Variants in CRNKL1 observed in about 807,000 individuals in gnomAD.
The protein encoded by CRNKL1 is crooked neck pre-mRNA splicing factor 1.
Under a neutral mutation model 103.7 loss-of-function variants are expected in CRNKL1, and 35 were observed. The observed-to-expected ratio is 0.34, with a 90% confidence interval of 0.26 to 0.45. The LOEUF is 0.45. Among genes scored for constraint, CRNKL1 ranks in the 20% least tolerant of loss-of-function variants. The pLI, the probability that CRNKL1 is intolerant of heterozygous loss-of-function variation, is 1.00. For missense variants in CRNKL1, 645 were observed against 836.0 expected (o/e 0.77, Z 2.82); for synonymous variants, 267 against 282.6 (o/e 0.94, Z 0.55).
chr20:20,036,952 C>A (rs918960188), intron 13 of CRNKL1, among the ~76,000 whole-genome samples: 2 of 152,234 alleles, frequency 1.3e-5, no homozygotes, highest in African/African-American at 4.8e-5. Flanking sequence ...ACAGCCTTCA[C>A]TGACTCCCAC....
At chr20:20,054,004 T>TTTG (rs2044023572), upstream of CRNKL1, among the ~76,000 whole-genome samples, 1 of 111,622 alleles carries the variant, frequency 9.0e-6, no homozygotes, top group African/African-American at 3.6e-5. Context: ...GTGTGTGTTT[T>TTTG]TTTTGTTTGT....
rs1418727747 is a variant in CRNKL1, at chr20:20,047,779, G to A, written c.608C>T (p.Thr203Ile). 1.2e-6 allele frequency: 2 copies of A among 1,614,190 alleles called. No individual in the cohort carries two copies. The highest frequency in any genetic ancestry group is 2.2e-5 in the South Asian group (2 of 91,084). ...LRYKEVDRAR[T>I]IYERFVLVHP... Reference sequence around the variant, plus strand: ...CCAAAGGATATATCGCTCATAAATGGTGCGGGCCCGATCCACCTCTTTGTA... The same window carrying A: ...CCAAAGGATATATCGCTCATAAATGATGCGGGCCCGATCCACCTCTTTGTA... The change falls in exon 5 of 14, where the codon ACC becomes ATC. Residue 203 changes from threonine to isoleucine, a missense_variant. Around this residue, in one of 2 missense-constraint regions of CRNKL1, gnomAD observed 582 missense variants for 707.7 expected, o/e 0.82. Transcript: ENST00000536226.
chr20:20,053,256 G>A (rs1433077462), upstream of CRNKL1, among the ~76,000 whole-genome samples: 1 of 152,104 alleles, frequency 6.6e-6, no homozygotes, highest in Non-Finnish European at 1.5e-5. Flanking sequence ...GACATTTTTA[G>A]AGAAGTTTTA....
At chr20:20,042,538 T>C (rs766860396) in intron 7 of CRNKL1, 22 bp from the exon 8 acceptor site, 2 of 1,583,802 alleles carry the variant, frequency 1.3e-6, no homozygotes, top group Non-Finnish European at 1.7e-6. Context: ...ACCAGTTTAA[T>C]AAATAAAAAA....
upstream of CRNKL1, among the ~76,000 whole-genome samples, chr20:20,055,465 A>G (rs1337552638): frequency 6.6e-6 from 1 of 152,284 alleles, no homozygotes; most frequent in Non-Finnish European, 1.5e-5. Context: ...TCCCAGGTAG[A>G]TGCATGGTTT....
At position 20,045,449 on chromosome 20, in the gene CRNKL1, C is replaced by T. The variant is rs2043579273; in HGVS notation, c.660G>A (p.Lys220=). ...CATGTTTTTCTTCAAAGCGGGCATACTTGATCCAGTTCTTAACATCAGGGT... is the reference window on the plus strand; with the variant it reads ...CATGTTTTTCTTCAAAGCGGGCATATTTGATCCAGTTCTTAACATCAGGGT... ...LVHPDVKNWI[K]YARFEEKHAY... Residue 220 remains lysine (K), a synonymous_variant, in exon 6 of 14, where the codon AAG becomes AAA. Transcript: ENST00000536226. The T allele has an allele frequency of 1.2e-6, 2 of 1,612,540 alleles. No individual in the cohort carries two copies. The highest frequency in any genetic ancestry group is 2.7e-5 in the African/African-American group (2 of 74,624).
Position 20,043,631 on chromosome 20 carries a change from G to T in CRNKL1, c.833C>A (p.Ala278Asp), listed in dbSNP as rs1442611958. 3 of 1,613,776 alleles carry T rather than the reference G, an allele frequency of 1.9e-6. No homozygotes were observed. The highest frequency in any genetic ancestry group is 2.5e-6 in the Non-Finnish European group (3 of 1,179,904). ...FERVRVIYKY[A>D]LDRISKQDAQ... ...ATCTTGTTTTGAAATTCTGTCCAGG[G>T]CATACTTGTAAATCACTCGTACCCT... Residue 278 changes from alanine to aspartate, a missense_variant, in exon 7 of 14, where the codon GCC becomes GAC. This residue lies in a region of CRNKL1 where 582 missense variants were observed against 707.7 expected (regional missense o/e 0.82). Transcript: ENST00000536226.
rs2043410609 is a variant in CRNKL1 at position 20,035,825 on chromosome 20, C to G, written c.*370G>C. 1 of 164,026 alleles carries G rather than the reference C, an allele frequency of 6.1e-6. No individual in the cohort carries two copies. The highest frequency in any genetic ancestry group is 1.7e-4 in the South Asian group (1 of 5,918). 10.2% of individuals were successfully genotyped at this position (164,026 alleles called of 1,614,324 possible). A position where few individuals can be genotyped will look rare whatever the true frequency, so the allele number is the denominator to read the frequency against. On this transcript the variant is annotated 3_prime_UTR_variant, in exon 14 of 14. Transcript: ENST00000536226. The stretch of plus-strand genomic sequence containing the variant: ...GAGTGGCAGAGCTGGGAAATGAACT[C>G]AAGTCTGTGACTCTGAAGACATGAA...
intron 11 of CRNKL1, chr20:20,038,687 TG>T (rs1382073762): frequency 5.5e-6 from 2 of 366,942 alleles, no homozygotes; most frequent in Non-Finnish European, 9.7e-6. Context: ...AGATTCTCTT[TG>T]GAAGTTTTTC....
Position 20,039,769 on chromosome 20 carries a change from T to C in CRNKL1, c.1385A>G (p.Asp462Gly). Residue 462 changes from aspartate to glycine, a missense_variant, in exon 11 of 14, where the codon GAC becomes GGC. Asp to Gly is a moderately conservative substitution (Grantham distance 94). Around this residue, in one of 2 missense-constraint regions of CRNKL1, gnomAD observed 582 missense variants for 707.7 expected, o/e 0.82. Transcript: ENST00000536226. ...IELELQLREFDRCRKLYEKFL... is the reference protein window; with the variant it reads ...IELELQLREFGRCRKLYEKFL... ...CTTTTCATAAAGCTTCCGGCATCTG[T>C]CAAATTCTCGAAGCTGTAGCTCCAA... 6.2e-7 allele frequency: 1 copy of C among 1,614,212 alleles called. No homozygotes were observed. Among genetic ancestry groups the C allele is most frequent in the Non-Finnish European group, 8.5e-7 (1 of 1,180,024 alleles).
rs1320363967 is a variant in CRNKL1 at position 20,035,716 on chromosome 20, T to C, written c.*479A>G. On this transcript the variant is annotated 3_prime_UTR_variant, in exon 14 of 14. Coordinates refer to ENST00000536226, the MANE Select transcript of CRNKL1 (RefSeq NM_001278628.2). ...TATGCACCCACCAGGTATATTCCTT[T>C]TATAATGTAATCTTCAAAATGAGCT... The C allele has an allele frequency of 1.9e-5, 3 of 155,234 alleles. No individual in the cohort carries two copies. Among genetic ancestry groups the C allele is most frequent in the African/African-American group, 7.2e-5 (3 of 41,454 alleles). 9.6% of individuals were successfully genotyped at this position (155,234 alleles called of 1,614,324 possible).
Position 20,036,307 on chromosome 20 carries a change from T to C in CRNKL1, c.1952A>G (p.Asn651Ser), listed in dbSNP as rs1310196787. 1 of 1,614,074 alleles carries C rather than the reference T, an allele frequency of 6.2e-7. No individual in the cohort carries two copies. Among genetic ancestry groups the C allele is most frequent in the African/African-American group, 1.3e-5 (1 of 74,946 alleles). Residue 651 changes from asparagine to serine, a missense_variant, in exon 14 of 14, where the codon AAC (asparagine) becomes AGC (serine). Asn to Ser is a conservative substitution (Grantham distance 46). Around this residue, in one of 2 missense-constraint regions of CRNKL1, gnomAD observed 582 missense variants for 707.7 expected, o/e 0.82. Coordinates refer to ENST00000536226, the MANE Select transcript of CRNKL1 (RefSeq NM_001278628.2). ...FDYIFPEDAA[N>S]QPNLKLLAMA... ...GGCCAGGAGTTTGAGGTTAGGTTGG[T>C]TGGCAGCATCTTCTGGAAAGATGTA...
intron 11 of CRNKL1, among the ~76,000 whole-genome samples, chr20:20,039,027 A>C (rs1053972498): frequency 6.6e-6 from 1 of 152,220 alleles, no homozygotes; most frequent in African/African-American, 2.4e-5. Flanking sequence ...TAATTAATGC[A>C]ATCAGGGGGC....
chr20:20,038,365 C>G lies in CRNKL1; in HGVS notation c.1631G>C (p.Arg544Pro). The G allele has an allele frequency of 6.4e-7, 1 of 1,550,484 alleles. No homozygotes were observed. Among genetic ancestry groups the G allele is most frequent in the Non-Finnish European group, 8.7e-7 (1 of 1,145,746 alleles). The change falls in exon 12 of 14, where the codon CGG (arginine) becomes CCG (proline). Residue 544 changes from arginine to proline, a missense_variant. This residue lies in a region of CRNKL1 where 582 missense variants were observed against 707.7 expected (regional missense o/e 0.82). Transcript: ENST00000536226. ...TRNLYRRLLQRTQHVKVWISF... is the reference protein window; with the variant it reads ...TRNLYRRLLQPTQHVKVWISF... ...CAAGGATACCTTGACATGCTGCGTC[C>G]GTTGAAGCAACCGCCGGTAAAGGTT... is the stretch of plus-strand genomic sequence containing the variant.
upstream of CRNKL1, chr20:20,056,027 T>C (rs1459359158): frequency 1.3e-6 from 2 of 1,591,474 alleles, no homozygotes; most frequent in African/African-American, 2.7e-5. Flanking sequence ...GAGATTCTCT[T>C]CCCAAAGAGT....
Position 20,052,411 on chromosome 20 carries a change from C to T in CRNKL1, c.-69G>A, listed in dbSNP as rs775559150. Reference sequence around the variant, plus strand: ...GCTAGAAATCGGCTCTGAGAGCTCACCGAAACCACAAAGCTTTCAGAAAAC... The same window carrying T: ...GCTAGAAATCGGCTCTGAGAGCTCATCGAAACCACAAAGCTTTCAGAAAAC... On this transcript the variant is annotated 5_prime_UTR_variant, in exon 1 of 14. It adds an upstream start codon to the 5' untranslated region. Coordinates refer to ENST00000536226, the MANE Select transcript of CRNKL1 (RefSeq NM_001278628.2). 1 of 1,614,230 alleles carries T rather than the reference C, an allele frequency of 6.2e-7. No homozygotes were observed. Among genetic ancestry groups the T allele is most frequent in the South Asian group, 1.1e-5 (1 of 91,082 alleles).
At chr20:20,037,177 C>T (rs984489100) in intron 13 of CRNKL1, 146 bp downstream of exon 13, 1 of 960,916 alleles carries the variant, frequency 1.0e-6, no homozygotes, top group Non-Finnish European at 1.6e-6. Context: ...GTTTCCATAA[C>T]AGCCAGATTG....
At chr20:20,043,830 T>G (rs1360037139) in intron 6 of CRNKL1, among the ~76,000 whole-genome samples, 168 bp from the exon 7 acceptor site, 1 of 152,146 alleles carries the variant, frequency 6.6e-6, no homozygotes, top group Non-Finnish European at 1.5e-5. Context: ...TCTGTCAGGA[T>G]GGACCGGTAC....
chr20:20,052,470 A>C (rs1568771362), upstream of CRNKL1: 2 of 1,614,254 alleles, frequency 1.2e-6, no homozygotes, highest in Non-Finnish European at 1.7e-6. Context: ...CGGAACTTGC[A>C]GGACTGACCT....
Sources: allele counts gnomAD v4.1 joint callset (sites outside exome capture counted in the v4.1 genomes callset), GRCh38; gene constraint gnomAD v4.1.1; regional missense constraint gnomAD v4.1.1; transcripts MANE v1.5; gene names NCBI Gene and HGNC (gene_info 2026-07-23, HGNC 2026-07-21).